The following USP33 variants were observed in gnomAD, a reference collection of about 807,000 sequenced individuals.
USP33 encodes ubiquitin specific peptidase 33, also known as ubiquitin carboxyl-terminal hydrolase 33.
A neutral mutation model predicts 124.2 loss-of-function variants in USP33; 46 were observed. That is an observed-to-expected ratio of 0.37 (90% CI 0.29 to 0.47). The LOEUF is 0.47. Ranked by LOEUF, USP33 falls within the 20% of genes least tolerant of loss-of-function variation. USP33 has a pLI of 0.99. For missense variants in USP33, 851 were observed against 1,070.6 expected (o/e 0.79, Z 2.86); for synonymous variants, 350 against 352.3 (o/e 0.99, Z 0.07).
intron 9 of USP33, among the ~76,000 whole-genome samples, chr1:77,729,369 TAAA>T (rs1167126986): frequency 0.015 from 1,752 of 115,438 alleles, 34 homozygotes; most frequent in African/African-American, 0.053. Flanking sequence ...TTATCTCTCT[TAAA>T]AAAAAAAAAA....
chr1:77,753,422 C>G (rs904720308), intron 1 of USP33, among the ~76,000 whole-genome samples: 2 of 150,814 alleles, frequency 1.3e-5, no homozygotes, highest in Admixed American at 1.3e-4. Context: ...ACCCACCCCC[C>G]ATCTTTACAA....
chr1:77,697,904 T>A lies in USP33; in HGVS notation c.2537A>T (p.Lys846Met). Reference protein sequence around the residue: ...GDPPGPIDNTKIAVTKCGNVM... With the variant: ...GDPPGPIDNTMIAVTKCGNVM... Reference sequence around the variant, plus strand: ...ATTACCACATTTAGTGACTGCAATCTTAGTATTGTCAATAGGACCTGGAGG... The same window carrying A: ...ATTACCACATTTAGTGACTGCAATCATAGTATTGTCAATAGGACCTGGAGG... Residue 846 changes from lysine (K) to methionine (M), a missense_variant, in exon 23 of 24, where the codon AAG (lysine) becomes ATG (methionine). Coordinates refer to ENST00000370794, the MANE Select transcript of USP33 (RefSeq NM_201624.3). 6.2e-7 allele frequency: 1 copy of A among 1,610,784 alleles called. No homozygotes were observed. The highest frequency in any genetic ancestry group is 1.1e-5 in the South Asian group (1 of 89,868).
chr1:77,747,492 A>G (rs1383132873), intron 1 of USP33, among the ~76,000 whole-genome samples: 1 of 152,050 alleles, frequency 6.6e-6, no homozygotes, highest in East Asian at 1.9e-4. Flanking sequence ...CCTAGCCTCA[A>G]GCAATCCTCC....
At chr1:77,732,662 T>G (rs1194515620) in intron 7 of USP33, among the ~76,000 whole-genome samples, 1 of 152,038 alleles carries the variant, frequency 6.6e-6, no homozygotes, top group Non-Finnish European at 1.5e-5. Flanking sequence ...TTCCAGTTCC[T>G]CAAATGTGTC....
At chr1:77,740,612 T>C (rs1679016952) in intron 4 of USP33, among the ~76,000 whole-genome samples, 1 of 152,204 alleles carries the variant, frequency 6.6e-6, no homozygotes, top group African/African-American at 2.4e-5. Context: ...TGCCTTGGCC[T>C]TCCAAAGTGC....
At chr1:77,753,857 A>G (rs1464275502) in intron 1 of USP33, among the ~76,000 whole-genome samples, 2 of 150,334 alleles carry the variant, frequency 1.3e-5, no homozygotes, top group Non-Finnish European at 3.0e-5. Context: ...ATTATATATT[A>G]GTATATATAA....
At chr1:77,720,528 T>G in intron 15 of USP33, 3 of 985,456 alleles carry the variant, frequency 3.0e-6, no homozygotes, top group Non-Finnish European at 3.6e-6. Context: ...TCCTTTAGGT[T>G]ACTGCCAAGA....
rs149714096 is a variant in USP33 at position 77,731,632 on chromosome 1, C to T, written c.525-901G>A. Among the ~76,000 whole-genome samples, 225 of 152,094 alleles carry T rather than the reference C, an allele frequency of 1.5e-3. 2 individuals carry two copies. Among genetic ancestry groups the T allele is most frequent in the African/African-American group, 5.1e-3 (213 of 41,498 alleles). On this transcript the variant is annotated intron_variant, in intron 7 of 23. Coordinates refer to ENST00000370794, the MANE Select transcript of USP33 (RefSeq NM_201624.3). ...CCTCAAGCAATCCTCCCACCTTAGCCTCCCAAAGTGCTACAGGCATGAGCC... is the reference window on the plus strand; with the variant it reads ...CCTCAAGCAATCCTCCCACCTTAGCTTCCCAAAGTGCTACAGGCATGAGCC...
At chr1:77,714,805 T>C in intron 18 of USP33, 22 bp from the exon 19 acceptor site, 2 of 1,603,856 alleles carry the variant, frequency 1.2e-6, no homozygotes. Context: ...AATGATTAGT[T>C]AAATTCAATA....
At chr1:77,715,651 T>C in intron 18 of USP33, 91 bp downstream of exon 18, 1 of 1,425,342 alleles carries the variant, frequency 7.0e-7, no homozygotes, top group Non-Finnish European at 9.5e-7. Context: ...TTCCTAATCT[T>C]GACTCAGCAA....
intron 21 of USP33, among the ~76,000 whole-genome samples, chr1:77,708,500 T>C (rs570087865): frequency 1.6e-4 from 25 of 152,330 alleles, no homozygotes; most frequent in African/African-American, 5.8e-4. Context: ...ACTTGGGTCC[T>C]GATAGTAGCA....
intron 1 of USP33, among the ~76,000 whole-genome samples, chr1:77,750,290 CCTGGGCAA>C (rs1460568556): frequency 3.3e-5 from 5 of 151,818 alleles, no homozygotes; most frequent in Admixed American, 1.3e-4. Context: ...TGCACACCAG[CCTGGGCAA>C]CAGAGCAAGG....
intron 11 of USP33, among the ~76,000 whole-genome samples, chr1:77,723,673 T>C (rs1170784624): frequency 6.6e-6 from 1 of 152,154 alleles, no homozygotes; most frequent in Non-Finnish European, 1.5e-5. Context: ...TTTTTTGTTT[T>C]TTTGTTTTGA....
chr1:77,753,177 T>C (rs1010273561), intron 1 of USP33, among the ~76,000 whole-genome samples: 1 of 152,192 alleles, frequency 6.6e-6, no homozygotes, highest in Non-Finnish European at 1.5e-5. Flanking sequence ...GAATCAACCA[T>C]ATAAACTGAG....
chr1:77,736,760 C>A (rs1192178042), intron 5 of USP33, among the ~76,000 whole-genome samples: 2 of 152,092 alleles, frequency 1.3e-5, no homozygotes, highest in Non-Finnish European at 2.9e-5. Context: ...TAGGTGCATG[C>A]CACAACGCCC....
intron 14 of USP33, 59 bp from the exon 15 acceptor site, chr1:77,721,264 TC>T: frequency 6.3e-7 from 1 of 1,593,170 alleles, no homozygotes; most frequent in Non-Finnish European, 8.6e-7. Context: ...CTTATTATGG[TC>T]CTGTAATTAT....
chr1:77,747,729 A>G (rs1679886071), intron 1 of USP33, among the ~76,000 whole-genome samples: 1 of 152,144 alleles, frequency 6.6e-6, no homozygotes, highest in African/African-American at 2.4e-5. Flanking sequence ...CCTAGCTTGT[A>G]TAACTAAACC....
chr1:77,697,462 C>A lies in USP33; in HGVS notation c.2591G>T (p.Gly864Val). Residue 864 changes from glycine to valine, a missense_variant, in exon 24 of 24, where the codon GGC becomes GTC. Gly to Val is a moderately radical substitution (Grantham distance 109). Around this residue, in one of 4 missense-constraint regions of USP33, gnomAD observed 142 missense variants for 141.8 expected, o/e 1.00. Coordinates refer to ENST00000370794, the MANE Select transcript of USP33 (RefSeq NM_201624.3). ...ATTCCATGTTTCTTCAGAAATCTGGCCAGAATCTGCTCCTTAAAATTACGT... is the reference window on the plus strand; with the variant it reads ...ATTCCATGTTTCTTCAGAAATCTGGACAGAATCTGCTCCTTAAAATTACGT... ...NVMLRQGADS[G>V]QISEETWNFL... 1 of 1,599,242 alleles carries A rather than the reference C, an allele frequency of 6.3e-7. No individual in the cohort carries two copies. The highest frequency in any genetic ancestry group is 8.5e-7 in the Non-Finnish European group (1 of 1,176,260).
At chr1:77,706,672 G>C (rs758181199) in intron 21 of USP33, among the ~76,000 whole-genome samples, 12 of 152,204 alleles carry the variant, frequency 7.9e-5, no homozygotes, top group Non-Finnish European at 1.3e-4. Flanking sequence ...TCATGCAAAA[G>C]ATGTTGGCCT....
Sources: allele counts gnomAD v4.1 joint callset (sites outside exome capture counted in the v4.1 genomes callset), GRCh38; gene constraint gnomAD v4.1.1; regional missense constraint gnomAD v4.1.1; transcripts MANE v1.5; gene names NCBI Gene and HGNC (gene_info 2026-07-23, HGNC 2026-07-21).